Variants in VAV3 observed in about 807,000 individuals in gnomAD.
The protein encoded by VAV3 is guanine nucleotide exchange factor VAV3.
Under a neutral mutation model 131.2 loss-of-function variants are expected in VAV3, and 94 were observed. That is an observed-to-expected ratio of 0.72 (90% CI 0.61 to 0.85). VAV3 has a LOEUF of 0.85. Among genes scored for constraint, VAV3 ranks in the 40% least tolerant of loss-of-function variants. The pLI, the probability that VAV3 is intolerant of heterozygous loss-of-function variation, is 0.00. For synonymous variants in VAV3, 349 were observed against 342.0 expected (o/e 1.02, Z -0.22); for missense variants, 939 against 1,002.7 (o/e 0.94, Z 0.86).
At chr1:107,880,198 G>A (rs1670699479) in intron 1 of VAV3, among the ~76,000 whole-genome samples, 1 of 152,110 alleles carries the variant, frequency 6.6e-6, no homozygotes, top group Non-Finnish European at 1.5e-5. Flanking sequence ...ACAGCTTTCT[G>A]GAATAACTGA....
intron 17 of VAV3, among the ~76,000 whole-genome samples, chr1:107,698,159 A>G (rs1476636322): frequency 6.6e-6 from 1 of 152,224 alleles, no homozygotes; most frequent in East Asian, 1.9e-4. Context: ...TGAGTTAACA[A>G]TGGTAAAGTA....
chr1:107,617,910 C>T (rs1486548884), intron 20 of VAV3, among the ~76,000 whole-genome samples: 2 of 152,122 alleles, frequency 1.3e-5, no homozygotes, highest in African/African-American at 4.8e-5. Context: ...TTATATCTCT[C>T]AATCCTATAG....
At chr1:107,764,393 TTA>T (rs1570918322) in intron 9 of VAV3, among the ~76,000 whole-genome samples, 1 of 152,270 alleles carries the variant, frequency 6.6e-6, no homozygotes, top group East Asian at 1.9e-4. Flanking sequence ...CAGAGCCCTA[TTA>T]TACAGTGCTT....
At chr1:107,901,574 G>T (rs1311171656) in intron 1 of VAV3, among the ~76,000 whole-genome samples, 1 of 152,138 alleles carries the variant, frequency 6.6e-6, no homozygotes, top group Non-Finnish European at 1.5e-5. Flanking sequence ...GATTTGAGAA[G>T]TTATGTAGTG....
chr1:107,951,693 C>A (rs1386233766), intron 1 of VAV3, among the ~76,000 whole-genome samples: 4 of 151,918 alleles, frequency 2.6e-5, no homozygotes, highest in African/African-American at 9.7e-5. Context: ...AGAAGACATA[C>A]ATGCAGTCAA....
At chr1:107,804,791 A>G (rs1666986866) in intron 2 of VAV3, among the ~76,000 whole-genome samples, 1 of 152,108 alleles carries the variant, frequency 6.6e-6, no homozygotes, top group South Asian at 2.1e-4. Context: ...TTGCACATTA[A>G]TCTTTTCTTT....
At chr1:107,962,801 AC>A (rs1675163608) in intron 1 of VAV3, among the ~76,000 whole-genome samples, 1 of 152,240 alleles carries the variant, frequency 6.6e-6, no homozygotes, top group Admixed American at 6.5e-5. Flanking sequence ...CAAAAGTGCA[AC>A]GGCACAAAGA....
At chr1:107,813,378 A>T (rs17485868) in intron 2 of VAV3, among the ~76,000 whole-genome samples, 6 of 151,998 alleles carry the variant, frequency 3.9e-5, no homozygotes, top group African/African-American at 1.2e-4. Context: ...CCTCTTAGCA[A>T]CAAAGGGATC....
chr1:107,752,795 AAT>A (rs1172872719), intron 12 of VAV3, among the ~76,000 whole-genome samples: 1 of 152,210 alleles, frequency 6.6e-6, no homozygotes, highest in African/African-American at 2.4e-5. Context: ...AAACAAACCG[AAT>A]AGTGAGTGTT....
At chr1:107,788,424 C>T (rs947400787) in intron 2 of VAV3, among the ~76,000 whole-genome samples, 1 of 152,102 alleles carries the variant, frequency 6.6e-6, no homozygotes, top group African/African-American at 2.4e-5. Context: ...TCCAGACAGA[C>T]TCCAGGCCAA....
At chr1:107,906,353 C>G (rs996820678) in intron 1 of VAV3, among the ~76,000 whole-genome samples, 3 of 152,168 alleles carry the variant, frequency 2.0e-5, no homozygotes, top group Non-Finnish European at 2.9e-5. Flanking sequence ...AGCTTCACAA[C>G]TGGGAAGTCT....
intron 15 of VAV3, among the ~76,000 whole-genome samples, chr1:107,728,104 T>C (rs958204665): frequency 1.3e-5 from 2 of 152,120 alleles, no homozygotes; most frequent in Non-Finnish European, 2.9e-5. Flanking sequence ...GTCAAACAGA[T>C]GGTGGAAAAA....
intron 3 of VAV3, 146 bp from the exon 4 acceptor site, chr1:107,777,442 G>C: frequency 1.4e-6 from 1 of 731,316 alleles, no homozygotes; most frequent in Non-Finnish European, 2.3e-6. Flanking sequence ...ACAATATCTA[G>C]GGCTTTCCCT....
At chr1:107,946,244 A>C (rs1674255138) in intron 1 of VAV3, among the ~76,000 whole-genome samples, 1 of 152,198 alleles carries the variant, frequency 6.6e-6, no homozygotes, top group South Asian at 2.1e-4. Flanking sequence ...GATTCAAGAT[A>C]ATGAAGGCTG....
intron 4 of VAV3, 45 bp downstream of exon 4, chr1:107,777,186 C>T: frequency 6.5e-7 from 1 of 1,535,694 alleles, no homozygotes; most frequent in Non-Finnish European, 9.0e-7. Flanking sequence ...ACAATGGACA[C>T]ATAAATTGGC....
intron 2 of VAV3, among the ~76,000 whole-genome samples, chr1:107,834,685 A>G (rs1178303063): frequency 6.6e-6 from 1 of 151,646 alleles, no homozygotes; most frequent in African/African-American, 2.4e-5. Context: ...TGAGTAAACC[A>G]ACATACTTTG....
chr1:107,960,152 A>G (rs984773453), intron 1 of VAV3, among the ~76,000 whole-genome samples: 9 of 152,184 alleles, frequency 5.9e-5, no homozygotes, highest in African/African-American at 2.2e-4. Flanking sequence ...TTCTCAATGC[A>G]GTAGCCAAAG....
chr1:107,602,366 C>A, intron 24 of VAV3, 31 bp downstream of exon 24: 1 of 1,433,532 alleles, frequency 7.0e-7, no homozygotes, highest in Non-Finnish European at 9.4e-7. Context: ...AAATAAGGAT[C>A]CCAGATTGAA....
intron 1 of VAV3, among the ~76,000 whole-genome samples, chr1:107,877,830 A>C (rs1670576126): frequency 2.0e-5 from 3 of 152,080 alleles, no homozygotes; most frequent in Admixed American, 2.0e-4. Flanking sequence ...ACTGCTCCAA[A>C]ATTTGACTAA....
Sources: gnomAD v4.1 joint callset for allele counts (sites outside exome capture counted in the v4.1 genomes callset) on GRCh38, gnomAD v4.1.1 for gene constraint, MANE v1.5 for transcripts, NCBI Gene and HGNC (gene_info 2026-07-23, HGNC 2026-07-21) for gene names.